The following VWA8 variants were observed in gnomAD, a reference collection of about 807,000 sequenced individuals.
VWA8 encodes the protein von Willebrand factor A domain containing 8, also known as von Willebrand factor A domain-containing protein 8.
Under a neutral mutation model 241.5 loss-of-function variants are expected in VWA8, and 221 were observed. That is an observed-to-expected ratio of 0.91 (90% confidence interval 0.82 to 1.02). VWA8 has a LOEUF of 1.02. Among genes scored for constraint, VWA8 ranks in the 50% least tolerant of loss-of-function variants. The probability of loss-of-function intolerance (pLI) is 0.00; values close to 1 mark genes in which losing one functional copy is unlikely to be tolerated. For missense variants in VWA8, 2,322 were observed against 2,328.7 expected, an observed-to-expected ratio of 1.00 and a Z score of 0.06; for synonymous variants, 852 against 827.1, an observed-to-expected ratio of 1.03 and a Z score of -0.52.
chr13:41,928,467 T>C (rs1282805389), intron 2 of VWA8, among the ~76,000 whole-genome samples: 1 of 151,942 alleles, frequency 6.6e-6, no homozygotes, highest in African/African-American at 2.4e-5. Flanking sequence ...TTTACAAATA[T>C]GTGAAAATGA....
intron 9 of VWA8, among the ~76,000 whole-genome samples, chr13:41,881,864 C>G (rs1388742089): frequency 6.0e-4 from 85 of 141,628 alleles, no homozygotes; most frequent in African/African-American, 2.2e-3. Flanking sequence ...GGCTGACCCC[C>G]CCACCTCCCT....
chr13:41,790,956 A>G (rs1230438928), intron 17 of VWA8, among the ~76,000 whole-genome samples: 2 of 151,902 alleles, frequency 1.3e-5, no homozygotes, highest in Non-Finnish European at 2.9e-5. Context: ...AAGCCCAACT[A>G]ATATTTATAA....
At chr13:41,675,070 C>T in intron 36 of VWA8, 145 bp downstream of exon 36, 3 of 544,998 alleles carry the variant, frequency 5.5e-6, no homozygotes, top group South Asian at 2.6e-5. Flanking sequence ...AGAAGAACAG[C>T]AAGATAGAAA....
intron 20 of VWA8, among the ~76,000 whole-genome samples, chr13:41,765,351 A>T (rs191589785): frequency 6.6e-6 from 1 of 152,316 alleles, no homozygotes; most frequent in East Asian, 1.9e-4. Context: ...TCCCACCTCC[A>T]GATTTACAAG....
At chr13:41,685,898 T>G (rs545962834) in intron 34 of VWA8, among the ~76,000 whole-genome samples, 1 of 152,188 alleles carries the variant, frequency 6.6e-6, no homozygotes, top group Non-Finnish European at 1.5e-5. Context: ...TTACCACGTA[T>G]GTATTTATCC....
intron 18 of VWA8, among the ~76,000 whole-genome samples, chr13:41,784,703 T>TATACATATACATATACATATAC (rs1566456213): frequency 0.013 from 630 of 47,712 alleles, 20 homozygotes; most frequent in South Asian, 0.033. Flanking sequence ...TATACATATA[T>TATACATATACATATACATATAC]ATATATATAT....
intron 34 of VWA8, 66 bp from the exon 35 acceptor site, chr13:41,685,308 C>A: frequency 6.9e-7 from 1 of 1,451,864 alleles, no homozygotes; most frequent in Non-Finnish European, 9.4e-7. Context: ...ACCTTAACAA[C>A]GCAGCCCTTT....
chr13:41,831,846 C>A (rs1328104026), intron 13 of VWA8, among the ~76,000 whole-genome samples: 2 of 151,860 alleles, frequency 1.3e-5, no homozygotes, highest in African/African-American at 4.8e-5. Context: ...TCTCAAACTT[C>A]TGACCTCAGG....
chr13:41,782,571 A>T (rs186956604), intron 19 of VWA8, among the ~76,000 whole-genome samples: 32 of 152,304 alleles, frequency 2.1e-4, no homozygotes, highest in African/African-American at 7.2e-4. Context: ...GAAGAAAAAT[A>T]AAACATTAGT....
At chr13:41,675,170 T>G (rs1487653729) in intron 36 of VWA8, 45 bp downstream of exon 36, 1 of 1,450,710 alleles carries the variant, frequency 6.9e-7, no homozygotes, top group East Asian at 2.3e-5. Flanking sequence ...AATTTACTCA[T>G]TTTTTATGAC....
intron 37 of VWA8, among the ~76,000 whole-genome samples, chr13:41,647,678 A>G (rs1203526371): frequency 6.6e-6 from 1 of 152,120 alleles, no homozygotes; most frequent in Non-Finnish European, 1.5e-5. Context: ...TTTACTGATA[A>G]ATATACATCG....
chr13:41,707,776 T>C (rs2045291544), intron 26 of VWA8, among the ~76,000 whole-genome samples: 1 of 152,204 alleles, frequency 6.6e-6, no homozygotes, highest in Non-Finnish European at 1.5e-5. Context: ...CCATTACCTC[T>C]GCCTAGAATT....
chr13:41,732,267 C>T lies in VWA8; in HGVS notation c.2427-112G>A, dbSNP rs1593728344. The T allele has an allele frequency of 8.0e-5, 69 of 864,890 alleles. No individual in the cohort carries two copies. The East Asian group carries it at 1.9e-3, about 23-fold the overall frequency. 53.6% of individuals were successfully genotyped at this position (864,890 alleles called of 1,614,324 possible). On this transcript the variant is annotated intron_variant, in intron 21 of 44. Transcript: ENST00000379310. ...TAAAAGATTTTTGTTCATCATCCTG[C>T]TTCCCCTTCCCCCACCAAAAAAAAA...
intron 42 of VWA8, among the ~76,000 whole-genome samples, chr13:41,585,321 C>G (rs888659002): frequency 6.6e-6 from 1 of 152,228 alleles, no homozygotes. Context: ...ACCCTGAACA[C>G]TAGTAACTTT....
rs1433099976 is a variant in VWA8, at chr13:41,868,450, A to C, written c.1108T>G (p.Ser370Ala). Residue 370 changes from serine to alanine, a missense_variant, in exon 10 of 45, where the codon TCT (serine) becomes GCT (alanine). By Grantham distance (99) the Ser-to-Ala change is moderately conservative. Coordinates refer to ENST00000379310, the MANE Select transcript of VWA8 (RefSeq NM_015058.2). ...KRFELQDSGS[S>A]LLPKEIVKVE... is the part of the protein sequence containing the mutation. ...TTTACAATCTCTTTAGGAAGTAGAGAGCTTCCTGAATCTTGAAGTTCAAAG... is the reference window on the plus strand; with the variant it reads ...TTTACAATCTCTTTAGGAAGTAGAGCGCTTCCTGAATCTTGAAGTTCAAAG... 6.2e-7 allele frequency: 1 copy of C among 1,613,816 alleles called. No individual in the cohort carries two copies. The highest frequency in any genetic ancestry group is 1.3e-5 in the African/African-American group (1 of 75,042).
chr13:41,593,611 C>A (rs1194404052), intron 40 of VWA8, among the ~76,000 whole-genome samples: 1 of 152,176 alleles, frequency 6.6e-6, no homozygotes, highest in Non-Finnish European at 1.5e-5. Flanking sequence ...TTTCTGTTCT[C>A]TAGTGTGGAT....
chr13:41,859,882 G>A lies in VWA8; in HGVS notation c.1425+5854C>T, dbSNP rs76732590. Reference sequence around the variant, plus strand: ...AGCTTTATACATGTACAAATAACAGGGAAGTCTCCACATCTTCTAGGAAAA... The same window carrying A: ...AGCTTTATACATGTACAAATAACAGAGAAGTCTCCACATCTTCTAGGAAAA... On this transcript the variant is annotated intron_variant, in intron 12 of 44. Transcript: ENST00000379310. Among the ~76,000 whole-genome samples, 964 of 152,218 alleles carry A rather than the reference G, an allele frequency of 6.3e-3. 9 individuals are homozygous for A. The highest frequency in any genetic ancestry group is 0.022 in the African/African-American group (919 of 41,550).
At chr13:41,738,536 C>T (rs2045543040) in intron 21 of VWA8, among the ~76,000 whole-genome samples, 1 of 152,074 alleles carries the variant, frequency 6.6e-6, no homozygotes. Context: ...AAAGTCAAAG[C>T]CATGCTGATA....
chr13:41,712,840 C>T (rs2045327137), intron 26 of VWA8, among the ~76,000 whole-genome samples: 1 of 151,914 alleles, frequency 6.6e-6, no homozygotes, highest in South Asian at 2.1e-4. Flanking sequence ...ATAGAAAAAA[C>T]AATATTGTAA....
Sources: allele counts gnomAD v4.1 joint callset (sites outside exome capture counted in the v4.1 genomes callset), GRCh38; gene constraint gnomAD v4.1.1; transcripts MANE v1.5; gene names NCBI Gene and HGNC (gene_info 2026-07-23, HGNC 2026-07-21).